Variants in USP4 observed in about 807,000 individuals in gnomAD.
USP4 encodes the protein ubiquitin carboxyl-terminal hydrolase 4.
Under a neutral mutation model 118.2 loss-of-function variants are expected in USP4, and 72 were observed. The ratio of observed to expected loss-of-function variants is 0.61; its 90% CI spans 0.50 to 0.74. USP4 has a LOEUF of 0.74. Ranked by LOEUF, USP4 falls within the 30% of genes least tolerant of loss-of-function variation. The pLI is 0.00. For missense variants in USP4, 1,037 were observed against 1,185.7 expected (o/e 0.87, Z 1.84); for synonymous variants, 415 against 440.4 (o/e 0.94, Z 0.72).
chr3:49,310,656 G>T lies in USP4; in HGVS notation c.918C>A (p.Asn306Lys), dbSNP rs1324599243. 2.4e-5 allele frequency: 38 copies of T among 1,613,998 alleles called. No homozygotes were observed. The highest frequency in any genetic ancestry group is 3.2e-5 in the Non-Finnish European group (38 of 1,180,026). The change falls in exon 8 of 22, where the codon AAC becomes AAA. Residue 306 changes from asparagine to lysine, a missense_variant. Transcript: ENST00000265560. ...AGTTCATGAAGCAGGTGTTTCCCAG[G>T]TTTCCAAGTCCACAGAGCCCAGGTT... The part of the protein sequence containing the change: ...HIQPGLCGLG[N>K]LGNTCFMNSA...
At chr3:49,327,260 G>A (rs1203067451) in intron 3 of USP4, among the ~76,000 whole-genome samples, 22 of 152,252 alleles carry the variant, frequency 1.4e-4, no homozygotes, top group Admixed American at 1.0e-3. Flanking sequence ...GAAACAGGCT[G>A]GGCGTAGTGG....
chr3:49,338,172 G>T (rs1306784066), intron 1 of USP4, among the ~76,000 whole-genome samples: 2 of 150,842 alleles, frequency 1.3e-5, no homozygotes, highest in Non-Finnish European at 2.9e-5. Flanking sequence ...ACCAACAAAT[G>T]TGAGAGGAGG....
chr3:49,335,443 A>C, intron 2 of USP4, 26 bp downstream of exon 2: 1 of 1,614,162 alleles, frequency 6.2e-7, no homozygotes, highest in South Asian at 1.1e-5. Context: ...GTGAATGTTT[A>C]GCTAGAAAAG....
At chr3:49,298,385 C>G (rs759853361) in intron 12 of USP4, among the ~76,000 whole-genome samples, 167 bp downstream of exon 12, 19 of 152,202 alleles carry the variant, frequency 1.2e-4, no homozygotes, top group Admixed American at 2.0e-4. Flanking sequence ...AAGGGACAGT[C>G]TCAGTCACAA....
In USP4 at chr3:49,284,328, G is replaced by A. The variant is rs139405887; in HGVS notation, c.2390+138C>T. The A allele has an allele frequency of 2.1e-3, 2,142 of 1,038,962 alleles. 2 individuals carry two copies. Among genetic ancestry groups the A allele is most frequent in the Non-Finnish European group, 2.6e-3 (1,833 of 696,174 alleles). The allele number at this position is 1,038,962 out of a possible 1,614,324, so 64.4% of individuals were successfully genotyped here. A position where few individuals can be genotyped will look rare whatever the true frequency, so the allele number is the denominator to read the frequency against. On this transcript the variant is annotated intron_variant, in intron 18 of 21. Transcript: ENST00000265560. ...CTTTCCTTGGAAACCTCAACTCACA[G>A]AGGATTATGTTGTAGGGTTAGCTAT...
intron 6 of USP4, among the ~76,000 whole-genome samples, chr3:49,313,429 G>A (rs1267971640): frequency 6.6e-6 from 1 of 152,068 alleles, no homozygotes; most frequent in East Asian, 1.9e-4. Flanking sequence ...TTGGGAGGCT[G>A]AGGCAGGAGA....
At chr3:49,320,136 G>A (rs1189589554) in intron 6 of USP4, among the ~76,000 whole-genome samples, 2 of 152,206 alleles carry the variant, frequency 1.3e-5, no homozygotes, top group East Asian at 3.9e-4. Context: ...GACCAGGCTG[G>A]TCTCAAACTC....
At chr3:49,301,462 C>A (rs931679711) in intron 10 of USP4, among the ~76,000 whole-genome samples, 12 of 151,880 alleles carry the variant, frequency 7.9e-5, no homozygotes, top group African/African-American at 2.9e-4. Flanking sequence ...CCGAAGCAGG[C>A]GGATCACCAG....
At chr3:49,335,069 A>T (rs1559482517) in intron 2 of USP4, among the ~76,000 whole-genome samples, 1 of 152,164 alleles carries the variant, frequency 6.6e-6, no homozygotes, top group African/African-American at 2.4e-5. Flanking sequence ...CCATCACAGG[A>T]ATTCTTGATG....
intron 15 of USP4, 31 bp from the exon 16 acceptor site, chr3:49,286,356 T>C (rs776802330): frequency 1.3e-6 from 2 of 1,596,728 alleles, no homozygotes; most frequent in African/African-American, 1.3e-5. Flanking sequence ...AATATGTATA[T>C]AATTTCCTAC....
intron 13 of USP4, among the ~76,000 whole-genome samples, chr3:49,297,386 G>A (rs2047221105): frequency 6.6e-6 from 1 of 152,190 alleles, no homozygotes; most frequent in Non-Finnish European, 1.5e-5. Context: ...AGAGCTTACA[G>A]AATGTTTGAG....
rs1398763946 is a variant in USP4 at position 49,281,985 on chromosome 3, TG to T, written c.2541-1139del. Among the ~76,000 whole-genome samples, 3 of 151,526 alleles carry T rather than the reference TG, an allele frequency of 2.0e-5. No individual in the cohort carries two copies. The South Asian group carries it at 6.3e-4, about 32-fold the overall frequency. ...GAGATCGCACCACTGCACTCTGGCC[TG>T]GCGACAGAGTGAGACACGGTCTCAA... On this transcript the variant is annotated intron_variant, in intron 19 of 21. Coordinates refer to ENST00000265560, the MANE Select transcript of USP4 (RefSeq NM_003363.4).
intron 6 of USP4, among the ~76,000 whole-genome samples, chr3:49,314,904 A>G (rs186658500): frequency 2.0e-5 from 3 of 152,164 alleles, no homozygotes; most frequent in African/African-American, 7.2e-5. Context: ...CATACAAATC[A>G]TTTGAGATAT....
intron 6 of USP4, among the ~76,000 whole-genome samples, chr3:49,322,510 T>C (rs9873994): frequency 0.14 from 21,859 of 151,784 alleles, 1,811 homozygotes; most frequent in Non-Finnish European, 0.17. Flanking sequence ...TTTTTGCCTC[T>C]TTTTTTTACT....
chr3:49,295,714 G>GCGCGCGCACACACA (rs149459963), intron 13 of USP4, among the ~76,000 whole-genome samples: 2 of 148,320 alleles, frequency 1.3e-5, no homozygotes, highest in African/African-American at 5.2e-5. Flanking sequence ...GCGCGCGCGC[G>GCGCGCGCACACACA]CACACACACA....
chr3:49,298,632 G>A lies in USP4; in HGVS notation c.1516C>T (p.Arg506Cys), dbSNP rs1335607354. The A allele has an allele frequency of 5.6e-6, 9 of 1,614,062 alleles. No individual in the cohort carries two copies. The highest frequency in any genetic ancestry group is 3.3e-5 in the Admixed American group (2 of 60,022). Reference protein sequence around the residue: ...ADPHCRPTQYRVTVPLMGAVS... With the variant: ...ADPHCRPTQYCVTVPLMGAVS... ...GCCCCCATCAGCGGCACAGTCACACGGTACTGCAAGACAGAGATGGTCAAG... is the reference window on the plus strand; with the variant it reads ...GCCCCCATCAGCGGCACAGTCACACAGTACTGCAAGACAGAGATGGTCAAG... Residue 506 changes from arginine (R) to cysteine (C), a missense_variant, in exon 12 of 22, where the codon CGT (arginine) becomes TGT (cysteine). Transcript: ENST00000265560.
At chr3:49,335,966 C>T (rs1283239953) in intron 1 of USP4, among the ~76,000 whole-genome samples, 7 of 152,032 alleles carry the variant, frequency 4.6e-5, no homozygotes, top group Admixed American at 1.3e-4. Context: ...CAGGTTCAAG[C>T]GATTCTCCTG....
At chr3:49,294,757 T>C (rs1220650239) in intron 13 of USP4, among the ~76,000 whole-genome samples, 159 bp from the exon 14 acceptor site, 1 of 152,028 alleles carries the variant, frequency 6.6e-6, no homozygotes, top group Non-Finnish European at 1.5e-5. Context: ...TTTCTAGAGG[T>C]TGAGTCAGGA....
At chr3:49,301,585 G>C (rs1178414164) in intron 10 of USP4, among the ~76,000 whole-genome samples, 1 of 152,080 alleles carries the variant, frequency 6.6e-6, no homozygotes, top group African/African-American at 2.4e-5. Flanking sequence ...CTACTTGAGA[G>C]GCTGAGACAG....
Sources: allele counts gnomAD v4.1 joint callset (sites outside exome capture counted in the v4.1 genomes callset), GRCh38; gene constraint gnomAD v4.1.1; transcripts MANE v1.5; gene names NCBI Gene and HGNC (gene_info 2026-07-23, HGNC 2026-07-21).